AIM2: variants seen among roughly 807,000 people sequenced by gnomAD.
AIM2 encodes the protein absent in melanoma 2.
AIM2 carries 30 observed loss-of-function variants against 27.7 expected under a neutral mutation model. That is an observed-to-expected ratio of 1.08 (90% CI 0.81 to 1.47). The LOEUF (loss-of-function observed/expected upper bound fraction) is 1.47. AIM2 is among the 40% of genes most tolerant of loss of function. The probability of loss-of-function intolerance (pLI) is 0.00; values close to 1 mark genes in which losing one functional copy is unlikely to be tolerated. For synonymous variants in AIM2, 141 were observed against 145.3 expected (o/e 0.97, Z 0.21); for missense variants, 358 against 411.3 (o/e 0.87, Z 1.12).
At chr1:159,082,148 G>C (rs1340472140) in intron 1 of AIM2, among the ~76,000 whole-genome samples, 3 of 152,148 alleles carry the variant, frequency 2.0e-5, no homozygotes, top group Non-Finnish European at 4.4e-5. Flanking sequence ...GAATAGAATT[G>C]GCATTCTTGA....
At position 159,123,881 on chromosome 1, in the gene AIM2, T is replaced by G. The variant is rs543373433; in HGVS notation, c.-16+16550A>C. The stretch of plus-strand genomic sequence containing the variant: ...AGTTATAAACAAGATAACAGTAGAT[T>G]TTTTTCTCAAATACCCATACAAATT... On this transcript the variant is annotated intron_variant, in intron 1 of 2. Transcript: ENST00000368129. 2.0e-5 allele frequency among the ~76,000 whole-genome samples: 3 copies of G among 152,324 alleles called. No individual in the cohort carries two copies. The East Asian group carries it at 5.8e-4, about 29-fold the overall frequency.
chr1:159,146,288 A>C (rs1043315241), intron 1 of AIM2, among the ~76,000 whole-genome samples: 17 of 152,062 alleles, frequency 1.1e-4, no homozygotes, highest in Admixed American at 6.6e-4. Context: ...AACCCAAGAA[A>C]TAAGATGATT....
upstream of AIM2, among the ~76,000 whole-genome samples, chr1:159,140,931 TA>T (rs1439140728): frequency 2.6e-5 from 4 of 152,144 alleles, no homozygotes; most frequent in African/African-American, 9.7e-5. Flanking sequence ...AAATAGCATT[TA>T]AGTATAAAAC....
At chr1:159,100,659 T>C (rs1375423939) in intron 1 of AIM2, among the ~76,000 whole-genome samples, 2 of 152,222 alleles carry the variant, frequency 1.3e-5, no homozygotes, top group Non-Finnish European at 2.9e-5. Context: ...TGCATTCCTG[T>C]GTTGTCTTAC....
At chr1:159,139,203 A>G (rs3026923) in intron 1 of AIM2, among the ~76,000 whole-genome samples, 7 of 152,188 alleles carry the variant, frequency 4.6e-5, no homozygotes, top group East Asian at 1.9e-4. Context: ...TACTTGGCTG[A>G]GATAAAGTCT....
intron 1 of AIM2, among the ~76,000 whole-genome samples, chr1:159,090,960 C>T (rs1016093703): frequency 1.3e-5 from 2 of 152,198 alleles, no homozygotes; most frequent in Admixed American, 6.5e-5. Flanking sequence ...TCACTCCCTC[C>T]TGGTATTCTT....
chr1:159,065,623 A>G (rs1052597789), intron 4 of AIM2, among the ~76,000 whole-genome samples: 1 of 152,270 alleles, frequency 6.6e-6, no homozygotes, highest in African/African-American at 2.4e-5. Flanking sequence ...TAATATGTAC[A>G]AAGTACAAAA....
At chr1:159,080,087 A>G (rs1656740250), upstream of AIM2, among the ~76,000 whole-genome samples, 1 of 152,218 alleles carries the variant, frequency 6.6e-6, no homozygotes, top group South Asian at 2.1e-4. Context: ...CACCTACTGA[A>G]GAACACGTTG....
intron 1 of AIM2, chr1:159,132,166 G>A (rs915922588): frequency 1.4e-5 from 2 of 143,798 alleles, no homozygotes; most frequent in African/African-American, 5.2e-5. Context: ...TGGCCAACAT[G>A]GTGAAACTCC....
intron 1 of AIM2, among the ~76,000 whole-genome samples, chr1:159,089,363 C>G (rs987671765): frequency 1.3e-5 from 2 of 152,158 alleles, no homozygotes; most frequent in African/African-American, 4.8e-5. Flanking sequence ...CAAAGCACAT[C>G]CTCCTAAGCA....
chr1:159,111,818 T>C (rs1332145378), intron 1 of AIM2, among the ~76,000 whole-genome samples: 1 of 138,880 alleles, frequency 7.2e-6, no homozygotes, highest in South Asian at 2.2e-4. Context: ...AAAAAAACTA[T>C]CTATCTATCT....
upstream of AIM2, among the ~76,000 whole-genome samples, chr1:159,141,777 G>A (rs370343659): frequency 6.6e-6 from 1 of 151,830 alleles, no homozygotes; most frequent in Non-Finnish European, 1.5e-5. Context: ...CTGAGCGGTG[G>A]GGGGGGACAG....
chr1:159,081,588 C>T (rs1246610005), upstream of AIM2: 3 of 440,352 alleles, frequency 6.8e-6, no homozygotes, highest in African/African-American at 6.3e-5. Context: ...CAGTCTGTCA[C>T]CATTCGTCTT....
intron 4 of AIM2, 37 bp from the exon 5 acceptor site, chr1:159,063,711 G>A (rs762884279): frequency 5.7e-6 from 9 of 1,587,616 alleles, no homozygotes; most frequent in East Asian, 2.2e-5. Flanking sequence ...TCTGATAATC[G>A]GATTAATGAA....
At chr1:159,060,061 T>C (rs2101954052), downstream of AIM2, among the ~76,000 whole-genome samples, 1 of 152,318 alleles carries the variant, frequency 6.6e-6, no homozygotes, top group South Asian at 2.1e-4. Context: ...TTTTGAGGTA[T>C]GCAATAGCAC....
intron 1 of AIM2, among the ~76,000 whole-genome samples, chr1:159,116,780 A>G (rs1430233905): frequency 6.6e-6 from 1 of 151,948 alleles, no homozygotes; most frequent in Non-Finnish European, 1.5e-5. Flanking sequence ...ACATGTATAC[A>G]TATGTAACTA....
chr1:159,081,159 A>G (rs1231020266), upstream of AIM2: 1 of 232,766 alleles, frequency 4.3e-6, no homozygotes, highest in Non-Finnish European at 9.7e-6. Flanking sequence ...GAACTTCATC[A>G]TCAGGGCAAC....
intron 1 of AIM2, among the ~76,000 whole-genome samples, chr1:159,100,763 C>T (rs1054893654): frequency 2.6e-5 from 4 of 152,138 alleles, no homozygotes; most frequent in African/African-American, 7.2e-5. Context: ...CCTGTGACCC[C>T]GAATGAACCA....
chr1:159,143,873 A>G (rs1648158158), upstream of AIM2, among the ~76,000 whole-genome samples: 1 of 152,220 alleles, frequency 6.6e-6, no homozygotes. Context: ...CCATAGGCAA[A>G]TTCCAACGTA....
Sources: gnomAD v4.1 joint callset for allele counts (sites outside exome capture counted in the v4.1 genomes callset) on GRCh38, gnomAD v4.1.1 for gene constraint, MANE v1.5 for transcripts, NCBI Gene and HGNC (gene_info 2026-07-23, HGNC 2026-07-21) for gene names.